Variants in SMC6 observed in about 807,000 individuals in gnomAD.
SMC6 encodes structural maintenance of chromosomes protein 6.
Under a neutral mutation model 142.2 loss-of-function variants are expected in SMC6, and 79 were observed. The observed-to-expected ratio is 0.56, with a 90% CI of 0.46 to 0.67. SMC6 has a LOEUF of 0.67. Among genes scored for constraint, SMC6 ranks in the 30% least tolerant of loss-of-function variants. SMC6 has a pLI of 0.00. For missense variants in SMC6, 1,072 were observed against 1,284.0 expected (o/e 0.83, Z 2.52); for synonymous variants, 411 against 412.4 (o/e 1.00, Z 0.04).
At position 17,701,813 on chromosome 2, in the gene SMC6, A is replaced by G; in HGVS notation, c.2223+16T>C. 2 of 1,484,908 alleles carry G rather than the reference A, an allele frequency of 1.3e-6. No homozygotes were observed. Among genetic ancestry groups the G allele is most frequent in the Non-Finnish European group, 1.8e-6 (2 of 1,086,672 alleles). 92.0% of individuals were successfully genotyped at this position (1,484,908 alleles called of 1,614,324 possible). ...ACCCTTTAATATTACATTTAAATTG[A>G]AAAAAAGTATTTTACCAAAGTTGCA... On this transcript the variant is annotated intron_variant, in intron 20 of 27. Transcript: ENST00000448223.
rs1408029403 is a variant in SMC6, at chr2:17,667,576, G to T, written c.3064-1059C>A. ...TTTAATACTATATGTGGTGCCGGGC[G>T]CAGCAGCTCATGCCTTTAATCCCAG... is the stretch of plus-strand genomic sequence containing the variant. On this transcript the variant is annotated intron_variant, in intron 26 of 27. Transcript: ENST00000448223. Among the ~76,000 whole-genome samples, 3 of 152,286 alleles carry T rather than the reference G, an allele frequency of 2.0e-5. No individual in the cohort carries two copies. In the East Asian group the frequency reaches 5.8e-4, roughly 29 times the overall value.
At chr2:17,722,821 A>G (rs1387176311) in intron 9 of SMC6, among the ~76,000 whole-genome samples, 1 of 152,036 alleles carries the variant, frequency 6.6e-6, no homozygotes, top group East Asian at 1.9e-4. Flanking sequence ...AGCAATCTAA[A>G]TTATTATTTT....
intron 5 of SMC6, among the ~76,000 whole-genome samples, chr2:17,734,523 G>T (rs1044884149): frequency 3.3e-5 from 5 of 151,422 alleles, no homozygotes; most frequent in African/African-American, 1.2e-4. Context: ...TCATTAGCTA[G>T]TATGATTACT....
In SMC6 at chr2:17,706,428, T is replaced by C. The variant is rs1260764830; in HGVS notation, c.2006+791A>G. ...TTATGGTTATTTTCCTTTATTCTGC[T>C]CTCATAATCACATAAAAATGACTAG... On this transcript the variant is annotated intron_variant, in intron 18 of 27. Coordinates refer to ENST00000448223, the MANE Select transcript of SMC6 (RefSeq NM_001142286.2). 2.0e-4 allele frequency among the ~76,000 whole-genome samples: 30 copies of C among 152,124 alleles called. 2 individuals carry two copies. Among genetic ancestry groups the C allele is most frequent in the Non-Finnish European group, 1.5e-5 (1 of 68,006 alleles).
rs745501084 is a variant in SMC6, at chr2:17,696,393, T to C, written c.2428A>G (p.Asn810Asp). Residue 810 changes from asparagine to aspartate, a missense_variant, in exon 22 of 28, where the codon AAC (asparagine) becomes GAC (aspartate). By Grantham distance (23) the Asn-to-Asp change is conservative. This residue lies in a region of SMC6 where 994 missense variants were observed against 1,153.2 expected (regional missense o/e 0.86). Coordinates refer to ENST00000448223, the MANE Select transcript of SMC6 (RefSeq NM_001142286.2). Reference sequence around the variant, plus strand: ...TAATGTCGTTTCCCTCGTTTTTGGTTATCCACTTCAGAATCAGCAAGGTTT... The same window carrying C: ...TAATGTCGTTTCCCTCGTTTTTGGTCATCCACTTCAGAATCAGCAAGGTTT... ...ELNLADSEVD[N>D]QKRGKRHYEE... is the part of the protein sequence containing the mutation. 1.2e-6 allele frequency: 2 copies of C among 1,611,062 alleles called. No homozygotes were observed. Among genetic ancestry groups the C allele is most frequent in the Non-Finnish European group, 1.7e-6 (2 of 1,179,376 alleles).
At chr2:17,753,288 C>T (rs1481541432) in intron 1 of SMC6, among the ~76,000 whole-genome samples, 2 of 66,544 alleles carry the variant, frequency 3.0e-5, no homozygotes, top group Non-Finnish European at 6.6e-5. Flanking sequence ...AGACCTCTCC[C>T]CGCTTTACAG....
chr2:17,707,474 T>C (rs539393861), intron 17 of SMC6, 95 bp from the exon 18 acceptor site: 121 of 681,966 alleles, frequency 1.8e-4, no homozygotes, highest in Non-Finnish European at 2.4e-4. Context: ...ATTATTTTAA[T>C]ATGATTCAAG....
intron 2 of SMC6, among the ~76,000 whole-genome samples, chr2:17,747,919 ATG>A (rs1670836440): frequency 6.6e-6 from 1 of 152,228 alleles, no homozygotes; most frequent in African/African-American, 2.4e-5. Flanking sequence ...TCATAAGTGA[ATG>A]AGAGTGAAAA....
At chr2:17,726,252 G>T in intron 8 of SMC6, 137 bp downstream of exon 8, 1 of 458,140 alleles carries the variant, frequency 2.2e-6, no homozygotes, top group Non-Finnish European at 3.6e-6. Flanking sequence ...CCTAATCTAG[G>T]AAATTGAATT....
chr2:17,690,950 A>G (rs1667681572), intron 23 of SMC6, among the ~76,000 whole-genome samples: 1 of 151,916 alleles, frequency 6.6e-6, no homozygotes, highest in Non-Finnish European at 1.5e-5. Context: ...TATGGAGTTT[A>G]TACTACTAAA....
chr2:17,738,226 T>C lies in SMC6; in HGVS notation c.339A>G (p.Gly113=), dbSNP rs1670251669. Residue 113 remains glycine, a synonymous_variant, in exon 5 of 28, where the codon GGA becomes GGG. Coordinates refer to ENST00000448223, the MANE Select transcript of SMC6 (RefSeq NM_001142286.2). Reference sequence around the variant, plus strand: ...GGTAGAAAGCAAACACTTACTTCTGTCCATCTTTCACAAAACCTTTTAAAG... The same window carrying C: ...GGTAGAAAGCAAACACTTACTTCTGCCCATCTTTCACAAAACCTTTTAAAG... ...GSSLKGFVKD[G]QNSADISITL... is the part of the protein sequence containing the mutation. 1 of 1,607,234 alleles carries C rather than the reference T, an allele frequency of 6.2e-7. No individual in the cohort carries two copies. The highest frequency in any genetic ancestry group is 8.5e-7 in the Non-Finnish European group (1 of 1,175,032).
chr2:17,742,240 C>T (rs752020140), intron 3 of SMC6, among the ~76,000 whole-genome samples: 9 of 152,146 alleles, frequency 5.9e-5, no homozygotes, highest in Non-Finnish European at 1.0e-4. Context: ...TGAAAGATGA[C>T]GATCCAGCCA....
At position 17,753,060 on chromosome 2, in the gene SMC6, C is replaced by T. The variant is rs534016331; in HGVS notation, c.-88G>A. Reference sequence around the variant, plus strand: ...TCCCAATTGGGATTCTTCTCCGGTTCATTTCTGTAAGAAATGAGGGCAGAG... The same window carrying T: ...TCCCAATTGGGATTCTTCTCCGGTTTATTTCTGTAAGAAATGAGGGCAGAG... On this transcript the variant is annotated 5_prime_UTR_variant, in exon 2 of 28. An upstream start codon of the reference 5' UTR is lost. Transcript: ENST00000448223. 7.1e-6 allele frequency: 7 copies of T among 982,358 alleles called. No individual in the cohort carries two copies. In the East Asian group the frequency reaches 6.8e-4, roughly 96 times the overall value. 60.9% of individuals were successfully genotyped at this position (982,358 alleles called of 1,614,324 possible).
chr2:17,746,695 T>C (rs541020415), intron 2 of SMC6, among the ~76,000 whole-genome samples: 1 of 152,180 alleles, frequency 6.6e-6, no homozygotes, highest in African/African-American at 2.4e-5. Context: ...TTGCTAAACA[T>C]ATGAATACTG....
intron 11 of SMC6, among the ~76,000 whole-genome samples, chr2:17,720,359 T>C (rs1669310487): frequency 6.6e-6 from 1 of 152,198 alleles, no homozygotes; most frequent in Non-Finnish European, 1.5e-5. Flanking sequence ...GAATTTTAGA[T>C]AGGGTAGTTT....
At chr2:17,668,629 A>C (rs1666613677) in intron 26 of SMC6, among the ~76,000 whole-genome samples, 1 of 152,110 alleles carries the variant, frequency 6.6e-6, no homozygotes, top group African/African-American at 2.4e-5. Context: ...AGGTGGTGCA[A>C]AGGAAGTTCT....
intron 23 of SMC6, among the ~76,000 whole-genome samples, chr2:17,685,068 A>T (rs544995604): frequency 6.6e-6 from 1 of 152,182 alleles, no homozygotes; most frequent in South Asian, 2.1e-4. Context: ...AGGAGAAAAG[A>T]GAAATGTGGA....
rs773801158 is a variant in SMC6, at chr2:17,701,845, A to G, written c.2207T>C (p.Val736Ala). 1.3e-6 allele frequency: 2 copies of G among 1,575,078 alleles called. No homozygotes were observed. The highest frequency in any genetic ancestry group is 1.4e-5 in the African/African-American group (1 of 73,080). Reference protein sequence around the residue: ...ELENIEEHQSVDIATLEDEAQ... With the variant: ...ELENIEEHQSADIATLEDEAQ... ...GTATTTTACCAAAGTTGCAATATCT[A>G]CAGACTGGTGTTCTTCTATGTTCTC... Residue 736 changes from valine to alanine, a missense_variant, in exon 20 of 28, where the codon GTA becomes GCA. Coordinates refer to ENST00000448223, the MANE Select transcript of SMC6 (RefSeq NM_001142286.2).
chr2:17,667,514 C>A (rs993850386), intron 26 of SMC6, among the ~76,000 whole-genome samples: 2 of 152,132 alleles, frequency 1.3e-5, no homozygotes, highest in African/African-American at 2.4e-5. Context: ...AAGTTGAAAT[C>A]ATTGACATAT....
Sources: allele counts gnomAD v4.1 joint callset (sites outside exome capture counted in the v4.1 genomes callset), GRCh38; gene constraint gnomAD v4.1.1; regional missense constraint gnomAD v4.1.1; transcripts MANE v1.5; gene names NCBI Gene and HGNC (gene_info 2026-07-23, HGNC 2026-07-21).